E2F7: variants seen among roughly 807,000 people sequenced by gnomAD.
E2F7 encodes the protein E2F transcription factor 7.
In E2F7, 35 loss-of-function variants were observed where a neutral mutation model predicts 81.1. The observed-to-expected ratio is 0.43, with a 90% confidence interval of 0.33 to 0.57. The LOEUF (loss-of-function observed/expected upper bound fraction) is 0.57. Among genes scored for constraint, E2F7 ranks in the 20% least tolerant of loss-of-function variants. The pLI is 0.04. For missense variants in E2F7, 961 were observed against 1,093.7 expected (o/e 0.88, Z 1.71); for synonymous variants, 416 against 416.2 (o/e 1.00, Z 0.01).
chr12:77,036,788 C>A (rs1333608878), intron 7 of E2F7, among the ~76,000 whole-genome samples: 12 of 151,182 alleles, frequency 7.9e-5, no homozygotes, highest in Admixed American at 5.3e-4. Context: ...GTCGCCCAGG[C>A]TGGAGTGCAG....
intron 11 of E2F7, 50 bp from the exon 12 acceptor site, chr12:77,026,032 T>C (rs1954756675): frequency 6.6e-7 from 1 of 1,522,972 alleles, no homozygotes; most frequent in African/African-American, 1.4e-5. Context: ...ATCATGAGGA[T>C]ATCATTCAAG....
At position 77,028,097 on chromosome 12, in the gene E2F7, C is replaced by T. The variant is rs891022603; in HGVS notation, c.1926G>A (p.Met642Ile). The T allele has an allele frequency of 9.3e-6, 15 of 1,614,048 alleles. No homozygotes were observed. The highest frequency in any genetic ancestry group is 1.1e-5 in the Non-Finnish European group (13 of 1,180,036). Residue 642 changes from methionine (M) to isoleucine (I), a missense_variant, in exon 11 of 13, where the codon ATG (methionine) becomes ATA (isoleucine). Physicochemically the swap from Met to Ile is conservative, Grantham distance 10. Transcript: ENST00000322886. ...TGAGGGGTATAGATGCCCTGTTACCCATAGTCTTGGGAGAGGCAAGGTCTG... is the reference window on the plus strand; with the variant it reads ...TGAGGGGTATAGATGCCCTGTTACCTATAGTCTTGGGAGAGGCAAGGTCTG... The part of the protein sequence containing the change: ...DSTDLASPKT[M>I]GNRASIPLKD...
chr12:77,045,251 C>T (rs998487313), intron 5 of E2F7, among the ~76,000 whole-genome samples: 4 of 152,054 alleles, frequency 2.6e-5, no homozygotes, highest in South Asian at 2.1e-4. Context: ...AGAAGATGCC[C>T]GCCTCTTCCA....
At chr12:77,064,511 T>C in intron 2 of E2F7, 32 bp downstream of exon 2, 1 of 1,556,848 alleles carries the variant, frequency 6.4e-7, no homozygotes, top group Non-Finnish European at 8.9e-7. Context: ...ATCCTTAACA[T>C]ATTAGAAACT....
At chr12:77,051,736 C>T (rs1384324153) in intron 3 of E2F7, among the ~76,000 whole-genome samples, 3 of 152,162 alleles carry the variant, frequency 2.0e-5, no homozygotes, top group Non-Finnish European at 2.9e-5. Context: ...AAACCTTGGA[C>T]GTGTTCCCTT....
At chr12:77,062,993 TAAAC>T (rs1329613182) in intron 2 of E2F7, among the ~76,000 whole-genome samples, 2 of 151,970 alleles carry the variant, frequency 1.3e-5, no homozygotes, top group South Asian at 2.1e-4. Context: ...ATTCCAGAAA[TAAAC>T]AATTCATGAG....
intron 9 of E2F7, 72 bp downstream of exon 9, chr12:77,032,978 C>T (rs1954818136): frequency 2.1e-6 from 3 of 1,425,968 alleles, no homozygotes; most frequent in Non-Finnish European, 2.9e-6. Context: ...TGATGGGTGG[C>T]ACTGCAATTT....
rs1290934291 is a variant in E2F7, at chr12:77,021,629, C to A, written c.*2386G>T. The A allele has an allele frequency of 6.6e-6, 1 of 152,598 alleles. No homozygotes were observed. The highest frequency in any genetic ancestry group is 1.5e-5 in the Non-Finnish European group (1 of 68,024). 9.5% of individuals were successfully genotyped at this position (152,598 alleles called of 1,614,324 possible). ...TACCAGAATGAAAGGGTTTTACAAA[C>A]CCTGGTCAGTGTAGGGCACACACAG... On this transcript the variant is annotated 3_prime_UTR_variant, in exon 13 of 13. Coordinates refer to ENST00000322886, the MANE Select transcript of E2F7 (RefSeq NM_203394.3).
At position 77,024,139 on chromosome 12, in the gene E2F7, T is replaced by A; in HGVS notation, c.2612A>T (p.Glu871Val). ...TPKSIQRTHR[E>V]TFFKTPGSLG... ...GCTGCCGGGTGTCTTGAAAAACGTC[T>A]CACGATGTGTGCGTTGGATGCTCTT... The change falls in exon 13 of 13, where the codon GAG becomes GTG. Residue 871 changes from glutamate to valine, a missense_variant. By Grantham distance (121) the Glu-to-Val change is moderately radical. This residue lies in a region of E2F7 where 587 missense variants were observed against 620.3 expected (regional missense o/e 0.95). Coordinates refer to ENST00000322886, the MANE Select transcript of E2F7 (RefSeq NM_203394.3). The A allele has an allele frequency of 1.9e-6, 3 of 1,613,942 alleles. No individual in the cohort carries two copies. Among genetic ancestry groups the A allele is most frequent in the Non-Finnish European group, 2.5e-6 (3 of 1,179,990 alleles).
rs376382508 is a variant in E2F7 at position 77,023,972 on chromosome 12, T to C, written c.*43A>G. ...GCATCCCGCCTCGGACATCCGGGACTCTCAGGGCGTTTGATCCCACCCCCA... is the reference window on the plus strand; with the variant it reads ...GCATCCCGCCTCGGACATCCGGGACCCTCAGGGCGTTTGATCCCACCCCCA... On this transcript the variant is annotated 3_prime_UTR_variant, in exon 13 of 13. Coordinates refer to ENST00000322886, the MANE Select transcript of E2F7 (RefSeq NM_203394.3). 2 of 1,601,828 alleles carry C rather than the reference T, an allele frequency of 1.2e-6. No individual in the cohort carries two copies. Among genetic ancestry groups the C allele is most frequent in the South Asian group, 1.1e-5 (1 of 89,566 alleles).
At chr12:77,043,609 T>A (rs981698248) in intron 6 of E2F7, among the ~76,000 whole-genome samples, 1 of 151,906 alleles carries the variant, frequency 6.6e-6, no homozygotes, top group Non-Finnish European at 1.5e-5. Context: ...AGCTGGTCTG[T>A]GAAAATGACA....
chr12:77,044,834 T>C, intron 5 of E2F7, 39 bp from the exon 6 acceptor site: 2 of 1,599,270 alleles, frequency 1.3e-6, no homozygotes, highest in Non-Finnish European at 1.7e-6. Flanking sequence ...AAGTATATGA[T>C]TTTCTACAAG....
intron 2 of E2F7, among the ~76,000 whole-genome samples, chr12:77,058,111 C>T (rs1414554887): frequency 6.6e-6 from 1 of 152,186 alleles, no homozygotes; most frequent in South Asian, 2.1e-4. Context: ...ATTTCTCATA[C>T]TACAGTAAGT....
Position 77,021,257 on chromosome 12 carries a change from G to T in E2F7, c.*2758C>A, listed in dbSNP as rs1484667515. The stretch of plus-strand genomic sequence containing the variant: ...ATACAACCACCATCTCTTCTTAAAT[G>T]AATTATTTTTTATTGCTATTTTATA... On this transcript the variant is annotated 3_prime_UTR_variant, in exon 13 of 13. Transcript: ENST00000322886. 6.6e-6 allele frequency: 1 copy of T among 152,320 alleles called. No individual in the cohort carries two copies. Among genetic ancestry groups the T allele is most frequent in the African/African-American group, 2.4e-5 (1 of 41,328 alleles). 9.4% of individuals were successfully genotyped at this position (152,320 alleles called of 1,614,324 possible).
chr12:77,064,858 G>A (rs1370732651), intron 1 of E2F7, among the ~76,000 whole-genome samples: 1 of 152,004 alleles, frequency 6.6e-6, no homozygotes, highest in Non-Finnish European at 1.5e-5. Context: ...AATCTGGGAA[G>A]AAAAAAATCT....
intron 2 of E2F7, among the ~76,000 whole-genome samples, chr12:77,061,131 T>C (rs1371634878): frequency 2.0e-5 from 3 of 152,176 alleles, no homozygotes; most frequent in Admixed American, 6.5e-5. Context: ...TGCCGCTCTC[T>C]CATTATTTGC....
At position 77,046,110 on chromosome 12, in the gene E2F7, G is replaced by T; in HGVS notation, c.757C>A (p.Arg253Ser). The change falls in exon 5 of 13, where the codon CGT becomes AGT. Residue 253 changes from arginine (R) to serine (S), a missense_variant. Coordinates refer to ENST00000322886, the MANE Select transcript of E2F7 (RefSeq NM_203394.3). ...GAATCTGGATCACCATCTTTTTTAC[G>T]TTCTCCAAATTTATAATCTATCAGG... ...LDLIDYKFGE[R>S]KKDGDPDSQE... 6.2e-7 allele frequency: 1 copy of T among 1,614,144 alleles called. No homozygotes were observed. The highest frequency in any genetic ancestry group is 8.5e-7 in the Non-Finnish European group (1 of 1,180,034).
chr12:77,064,020 T>C (rs1955098356), intron 2 of E2F7, among the ~76,000 whole-genome samples: 1 of 152,206 alleles, frequency 6.6e-6, no homozygotes, highest in Non-Finnish European at 1.5e-5. Flanking sequence ...AGTGCAAAAC[T>C]AGCAACAGTA....
In E2F7 at chr12:77,024,257, T is replaced by C. The variant is rs192503851; in HGVS notation, c.2566-72A>G. 472 of 1,496,750 alleles carry C rather than the reference T, an allele frequency of 3.2e-4. 5 individuals carry two copies. In the East Asian group the frequency reaches 0.011, roughly 36 times the overall value. The allele number at this position is 1,496,750 out of a possible 1,614,324, so 92.7% of individuals were successfully genotyped here. A position where few individuals can be genotyped will look rare whatever the true frequency, so the allele number is the denominator to read the frequency against. On this transcript the variant is annotated intron_variant, in intron 12 of 12. Coordinates refer to ENST00000322886, the MANE Select transcript of E2F7 (RefSeq NM_203394.3). ...TGATCTCTGAGTAGAAAGGCAGCCC[T>C]TTCTTGACCTGTGTGTTAGGATCCC...
Sources: gnomAD v4.1 joint callset for allele counts (sites outside exome capture counted in the v4.1 genomes callset) on GRCh38, gnomAD v4.1.1 for gene constraint, gnomAD v4.1.1 regional missense constraint, MANE v1.5 for transcripts, NCBI Gene and HGNC (gene_info 2026-07-23, HGNC 2026-07-21) for gene names.